The following FBXO11 variants were observed in gnomAD, a reference collection of about 807,000 sequenced individuals.
The protein encoded by FBXO11 is F-box protein 11, also known as F-box only protein 11.
In FBXO11, 13 loss-of-function variants were observed where a neutral mutation model predicts 117.0. The ratio of observed to expected loss-of-function variants is 0.11; its 90% confidence interval spans 0.07 to 0.18. FBXO11 has a LOEUF of 0.18. FBXO11 is among the 10% of genes least tolerant of loss of function. The pLI, the probability that FBXO11 is intolerant of heterozygous loss-of-function variation, is 1.00. For missense variants in FBXO11, 767 were observed against 1,164.4 expected (o/e 0.66, Z 4.97); for synonymous variants, 490 against 380.5 (o/e 1.29, Z -3.35).
intron 18 of FBXO11, 163 bp from the exon 19 acceptor site, chr2:47,810,589 T>TA: frequency 1.9e-6 from 1 of 519,138 alleles, no homozygotes; most frequent in Non-Finnish European, 3.4e-6. Flanking sequence ...TCAGAGGTAT[T>TA]AAGGATCTAA....
intron 13 of FBXO11, 43 bp downstream of exon 13, chr2:47,822,175 C>CT (rs772360001): frequency 3.9e-6 from 5 of 1,271,898 alleles, no homozygotes; most frequent in Non-Finnish European, 5.6e-6. Flanking sequence ...ATCAAGAAGA[C>CT]ATACAAATCT....
intron 1 of FBXO11, among the ~76,000 whole-genome samples, chr2:47,899,600 T>G (rs73929251): frequency 0.17 from 25,793 of 152,124 alleles, 2,386 homozygotes; most frequent in African/African-American, 0.21. Flanking sequence ...TTAGAACCCA[T>G]ATCTAGCTAG....
chr2:47,877,831 C>T (rs533109442), intron 1 of FBXO11, among the ~76,000 whole-genome samples: 8 of 152,098 alleles, frequency 5.3e-5, no homozygotes, highest in Admixed American at 1.3e-4. Context: ...ATTACAGGCG[C>T]GTGCCAACAC....
At chr2:47,809,981 T>C (rs1670502338) in intron 19 of FBXO11, 1 of 491,594 alleles carries the variant, frequency 2.0e-6, no homozygotes, top group African/African-American at 2.0e-5. Context: ...CATTTTAACA[T>C]CTCTTTTTCT....
At chr2:47,882,772 C>T (rs1572899538) in intron 1 of FBXO11, among the ~76,000 whole-genome samples, 1 of 152,176 alleles carries the variant, frequency 6.6e-6, no homozygotes, top group East Asian at 1.9e-4. Flanking sequence ...CCACCTCAGA[C>T]TCCCAAGTAG....
intron 16 of FBXO11, among the ~76,000 whole-genome samples, chr2:47,815,458 A>C (rs924983685): frequency 1.3e-5 from 2 of 152,068 alleles, no homozygotes; most frequent in Non-Finnish European, 2.9e-5. Flanking sequence ...AATTTGGGGG[A>C]GAAAAGGAGG....
chr2:47,823,063 G>C, intron 12 of FBXO11, 80 bp downstream of exon 12: 1 of 1,001,970 alleles, frequency 1.0e-6, no homozygotes, highest in East Asian at 2.5e-5. Flanking sequence ...AAACTTTCAA[G>C]AGTTAAAGCT....
At chr2:47,857,486 G>A (rs1674395521) in intron 1 of FBXO11, among the ~76,000 whole-genome samples, 1 of 152,060 alleles carries the variant, frequency 6.6e-6, no homozygotes, top group Admixed American at 6.6e-5. Context: ...GATCATGTGA[G>A]ACAAGTAAAG....
At chr2:47,882,652 T>A (rs1046065611) in intron 1 of FBXO11, among the ~76,000 whole-genome samples, 5 of 152,204 alleles carry the variant, frequency 3.3e-5, no homozygotes, top group Admixed American at 2.6e-4. Context: ...TTCATCTGTA[T>A]TTCTGTACTA....
At chr2:47,835,013 A>G (rs1235972303) in intron 5 of FBXO11, 142 bp from the exon 6 acceptor site, 2 of 665,274 alleles carry the variant, frequency 3.0e-6, no homozygotes, top group African/African-American at 1.8e-5. Flanking sequence ...TCAGAGTACA[A>G]TGTAAAATCT....
chr2:47,823,664 A>G (rs1671540043), intron 11 of FBXO11, among the ~76,000 whole-genome samples: 1 of 151,994 alleles, frequency 6.6e-6, no homozygotes, highest in African/African-American at 2.4e-5. Flanking sequence ...GAGGCAGGAG[A>G]ACTGCTTGAA....
At chr2:47,873,868 T>A (rs1675801442) in intron 1 of FBXO11, among the ~76,000 whole-genome samples, 1 of 152,202 alleles carries the variant, frequency 6.6e-6, no homozygotes, top group Non-Finnish European at 1.5e-5. Context: ...TTAATCTGTG[T>A]TCCTCTGCTT....
intron 1 of FBXO11, among the ~76,000 whole-genome samples, chr2:47,856,169 C>A (rs1674278520): frequency 1.7e-4 from 26 of 152,108 alleles, no homozygotes; most frequent in Admixed American, 1.7e-3. Context: ...AATGCAAGTA[C>A]AACAAAGGAC....
At position 47,806,935 on chromosome 2, in the gene FBXO11, C is replaced by CTT. The variant is rs587779201; in HGVS notation, c.*1181_*1182dup. 6 of 1,133,702 alleles carry CTT rather than the reference C, an allele frequency of 5.3e-6. No individual in the cohort carries two copies. Among genetic ancestry groups the CTT allele is most frequent in the Non-Finnish European group, 6.6e-6 (5 of 760,866 alleles). The allele number at this position is 1,133,702 out of a possible 1,614,324, so 70.2% of individuals were successfully genotyped here. On this transcript the variant is annotated 3_prime_UTR_variant, in exon 23 of 23. Coordinates refer to ENST00000403359, the MANE Select transcript of FBXO11 (RefSeq NM_001190274.2). Reference sequence around the variant, plus strand: ...TCAGACAACATTATGATCTAATAAACTTTATTTTTTAAAAATGACCATTTT... The same window carrying CTT: ...TCAGACAACATTATGATCTAATAAACTTTTTATTTTTTAAAAATGACCATTTT...
At chr2:47,880,789 A>G (rs1400910903) in intron 1 of FBXO11, among the ~76,000 whole-genome samples, 4 of 152,112 alleles carry the variant, frequency 2.6e-5, no homozygotes, top group Non-Finnish European at 5.9e-5. Flanking sequence ...AATTATTTTC[A>G]TTTGCATTTG....
At chr2:47,828,691 A>G (rs943293002) in intron 11 of FBXO11, among the ~76,000 whole-genome samples, 3 of 152,150 alleles carry the variant, frequency 2.0e-5, no homozygotes, top group African/African-American at 7.2e-5. Context: ...GAAAAATGCT[A>G]TCTTCATAGA....
At position 47,809,273 on chromosome 2, in the gene FBXO11, T is replaced by C; in HGVS notation, c.2447-7A>G. On this transcript the variant is annotated splice_polypyrimidine_tract_variant and splice_region_variant and intron_variant, in intron 20 of 22. Coordinates refer to ENST00000403359, the MANE Select transcript of FBXO11 (RefSeq NM_001190274.2). ...TTGTTCATTATTTTGTTATCTGTAA[T>C]AAAAGAAAGAATAAGTAAAAATTCA... is the stretch of plus-strand genomic sequence containing the variant. The C allele has an allele frequency of 6.7e-7, 1 of 1,497,340 alleles. No homozygotes were observed. Among genetic ancestry groups the C allele is most frequent in the Non-Finnish European group, 9.2e-7 (1 of 1,088,234 alleles). 92.8% of individuals were successfully genotyped at this position (1,497,340 alleles called of 1,614,324 possible).
intron 11 of FBXO11, among the ~76,000 whole-genome samples, chr2:47,824,331 T>G (rs1671592445): frequency 6.6e-6 from 1 of 151,958 alleles, no homozygotes; most frequent in Admixed American, 6.6e-5. Context: ...ACAGAAAAAG[T>G]TAAAAACAAA....
At chr2:47,883,723 C>G (rs1676606513) in intron 1 of FBXO11, 1 of 262,424 alleles carries the variant, frequency 3.8e-6, no homozygotes, top group Non-Finnish European at 7.7e-6. Context: ...GAAGAATAAG[C>G]ACGAGAGAAA....
Sources: allele counts gnomAD v4.1 joint callset (sites outside exome capture counted in the v4.1 genomes callset), GRCh38; gene constraint gnomAD v4.1.1; transcripts MANE v1.5; gene names NCBI Gene and HGNC (gene_info 2026-07-23, HGNC 2026-07-21).